The following USP7 variants were observed in gnomAD, a reference collection of about 807,000 sequenced individuals.
USP7 encodes ubiquitin specific peptidase 7, also known as ubiquitin C-terminal hydrolase 7.
Under a neutral mutation model 162.9 loss-of-function variants are expected in USP7, and 9 were observed. The observed-to-expected ratio is 0.06, with a 90% CI of 0.03 to 0.10. The LOEUF is 0.10. Among genes scored for constraint, USP7 ranks in the 10% least tolerant of loss-of-function variants. The pLI is 1.00. For synonymous variants in USP7, 562 were observed against 475.9 expected (o/e 1.18, Z -2.35); for missense variants, 715 against 1,373.7 (o/e 0.52, Z 7.58).
At chr16:8,954,137 G>A in intron 1 of USP7, among the ~76,000 whole-genome samples, 1 of 30,114 alleles carries the variant, frequency 3.3e-5, no homozygotes. Context: ...TGCCCCCTGC[G>A]GCGCCACTGG....
intron 1 of USP7, among the ~76,000 whole-genome samples, chr16:8,947,474 G>A (rs982187042): frequency 1.3e-5 from 2 of 151,860 alleles, no homozygotes; most frequent in South Asian, 4.2e-4. Context: ...TCAGCCTCCT[G>A]ATTAGCTGGA....
At chr16:8,927,876 G>T (rs1289057229) in intron 2 of USP7, among the ~76,000 whole-genome samples, 2 of 152,110 alleles carry the variant, frequency 1.3e-5, no homozygotes, top group East Asian at 3.8e-4. Flanking sequence ...CAAGTGCAAT[G>T]GGTCATGCCT....
At chr16:8,962,377 T>C (rs1900048656) in intron 1 of USP7, 2 of 271,002 alleles carry the variant, frequency 7.4e-6, no homozygotes. Flanking sequence ...ACCCTTCTCT[T>C]TACAGCGTCT....
intron 1 of USP7, among the ~76,000 whole-genome samples, chr16:8,935,151 T>C (rs8061621): frequency 0.26 from 39,147 of 151,904 alleles, 6,503 homozygotes; most frequent in African/African-American, 0.47. Flanking sequence ...TTTTCGGAAG[T>C]TTTTAAGACA....
chr16:8,935,102 C>T (rs1898617430), intron 1 of USP7, among the ~76,000 whole-genome samples: 1 of 152,104 alleles, frequency 6.6e-6, no homozygotes, highest in Non-Finnish European at 1.5e-5. Flanking sequence ...CATTTACTGC[C>T]ATGTAAGAGT....
chr16:8,947,191 C>CA (rs1190441806), intron 1 of USP7, among the ~76,000 whole-genome samples: 1 of 151,948 alleles, frequency 6.6e-6, no homozygotes, highest in African/African-American at 2.4e-5. Flanking sequence ...TCTTCTATTA[C>CA]AACAGACAAT....
At chr16:8,903,775 G>C (rs892290565) in intron 15 of USP7, among the ~76,000 whole-genome samples, 8 of 151,716 alleles carry the variant, frequency 5.3e-5, no homozygotes, top group Non-Finnish European at 7.4e-5. Context: ...GCTGAGGCAG[G>C]AGAATCACTT....
At chr16:8,897,748 A>ATATATATATATATATATATAT (rs2061711307) in intron 25 of USP7, among the ~76,000 whole-genome samples, 2 of 78,504 alleles carry the variant, frequency 2.5e-5, no homozygotes, top group Non-Finnish European at 5.3e-5. Context: ...TATATATATA[A>ATATATATATATATATATATAT]ATGAGTTGGG....
chr16:8,957,987 G>A (rs939403940), intron 1 of USP7, among the ~76,000 whole-genome samples: 1 of 152,148 alleles, frequency 6.6e-6, no homozygotes, highest in Non-Finnish European at 1.5e-5. Flanking sequence ...TATGGCTTCA[G>A]CGTCTCTTTC....
intron 8 of USP7, 128 bp downstream of exon 8, chr16:8,916,374 C>T: frequency 1.0e-6 from 1 of 986,140 alleles, no homozygotes; most frequent in South Asian, 1.9e-5. Context: ...CTTTTTGTAG[C>T]CTAAGTCTGA....
At chr16:8,951,561 G>A (rs949689791) in intron 1 of USP7, among the ~76,000 whole-genome samples, 1 of 152,196 alleles carries the variant, frequency 6.6e-6, no homozygotes, top group Non-Finnish European at 1.5e-5. Context: ...TGTAAATGCA[G>A]AGGGCTTGTG....
chr16:8,932,187 A>G (rs1898392972), intron 1 of USP7, among the ~76,000 whole-genome samples: 1 of 152,224 alleles, frequency 6.6e-6, no homozygotes, highest in Non-Finnish European at 1.5e-5. Flanking sequence ...ACCAAGAAAC[A>G]GGTATTACCA....
chr16:8,907,096 G>T (rs2061872514), intron 12 of USP7, among the ~76,000 whole-genome samples: 1 of 152,188 alleles, frequency 6.6e-6, no homozygotes, highest in Non-Finnish European at 1.5e-5. Context: ...CATGCACCCG[G>T]CCTGCGAAGC....
intron 1 of USP7, among the ~76,000 whole-genome samples, chr16:8,943,749 G>A (rs1160303942): frequency 2.0e-5 from 3 of 152,174 alleles, no homozygotes; most frequent in Non-Finnish European, 1.5e-5. Flanking sequence ...TCAAAATGTT[G>A]AATGTCCTTT....
chr16:8,904,109 G>A (rs901359044), intron 15 of USP7, among the ~76,000 whole-genome samples: 2 of 152,134 alleles, frequency 1.3e-5, no homozygotes, highest in African/African-American at 4.8e-5. Context: ...CCACCAACAG[G>A]GCCAGGTGTT....
At chr16:8,920,228 G>GTGC in intron 5 of USP7, 131 bp downstream of exon 5, 1 of 744,662 alleles carries the variant, frequency 1.3e-6, no homozygotes, top group Middle Eastern at 2.7e-4. Flanking sequence ...GTGACTCTGT[G>GTGC]TGCCACAGGG....
intron 15 of USP7, among the ~76,000 whole-genome samples, chr16:8,903,815 A>G (rs1470473301): frequency 2.0e-5 from 3 of 151,638 alleles, no homozygotes; most frequent in Non-Finnish European, 4.4e-5. Context: ...TGAGGTGAGC[A>G]GAGATCGCGC....
intron 25 of USP7, chr16:8,897,327 G>A (rs2061698489): frequency 4.0e-6 from 2 of 501,034 alleles, no homozygotes; most frequent in Non-Finnish European, 7.1e-6. Context: ...TAACAAAAGT[G>A]GCCTTGATGC....
At position 8,917,175 on chromosome 16, in the gene USP7, A is replaced by G; in HGVS notation, c.721-19T>C. 2.5e-6 allele frequency: 4 copies of G among 1,578,922 alleles called. No homozygotes were observed. The highest frequency in any genetic ancestry group is 3.4e-6 in the Non-Finnish European group (4 of 1,169,948). On this transcript the variant is annotated intron_variant, in intron 6 of 30. Transcript: ENST00000344836. ...ACACAGCCTGAAACAATTAAGAAAT[A>G]AGAATTTTTACTCTGAGAAGATGCA...
Sources: allele counts gnomAD v4.1 joint callset (sites outside exome capture counted in the v4.1 genomes callset), GRCh38; gene constraint gnomAD v4.1.1; transcripts MANE v1.5; gene names NCBI Gene and HGNC (gene_info 2026-07-23, HGNC 2026-07-21).